FAM120A: variants seen among roughly 807,000 people sequenced by gnomAD.
FAM120A encodes constitutive coactivator of PPAR-gamma-like protein 1.
In FAM120A, 15 loss-of-function variants were observed where a neutral mutation model predicts 109.7. The observed-to-expected ratio is 0.14, with a 90% CI of 0.09 to 0.21. The LOEUF (loss-of-function observed/expected upper bound fraction) is 0.21. Among genes scored for constraint, FAM120A ranks in the 10% least tolerant of loss-of-function variants. FAM120A has a pLI of 1.00. For synonymous variants in FAM120A, 493 were observed against 572.8 expected (o/e 0.86, Z 1.99); for missense variants, 899 against 1,439.3 (o/e 0.62, Z 6.07).
intron 17 of FAM120A, among the ~76,000 whole-genome samples, chr9:93,563,793 T>C (rs1862549134): frequency 6.6e-6 from 1 of 152,234 alleles, no homozygotes; most frequent in African/African-American, 2.4e-5. Flanking sequence ...TAAGGTTCCC[T>C]AGCAATGACT....
chr9:93,564,614 G>A lies in FAM120A; in HGVS notation c.*74G>A, dbSNP rs1862579039. ...GAATATCTGGAGAGAAAGAGAGCCT[G>A]CAGTTATGTACATTTTGTCCTTTCC... On this transcript the variant is annotated 3_prime_UTR_variant, in exon 18 of 18. Coordinates refer to ENST00000277165, the MANE Select transcript of FAM120A (RefSeq NM_014612.5). 8.7e-6 allele frequency: 11 copies of A among 1,270,184 alleles called. No homozygotes were observed. The highest frequency in any genetic ancestry group is 1.2e-5 in the Non-Finnish European group (11 of 915,844). The allele number at this position is 1,270,184 out of a possible 1,614,324, so 78.7% of individuals were successfully genotyped here.
chr9:93,554,155 A>ACACACACACACT (rs1362939859), intron 12 of FAM120A, among the ~76,000 whole-genome samples: 1 of 149,992 alleles, frequency 6.7e-6, no homozygotes, highest in Non-Finnish European at 1.5e-5. Flanking sequence ...ACACACACAC[A>ACACACACACACT]CACACACACA....
intron 7 of FAM120A, among the ~76,000 whole-genome samples, chr9:93,525,736 TG>T (rs35104480): frequency 0.28 from 42,388 of 152,078 alleles, 6,975 homozygotes; most frequent in East Asian, 0.42. Context: ...CACTACACTC[TG>T]GGGATGCCTG....
chr9:93,536,899 T>C (rs1340889520), intron 10 of FAM120A, among the ~76,000 whole-genome samples: 2 of 152,258 alleles, frequency 1.3e-5, no homozygotes, highest in Non-Finnish European at 2.9e-5. Context: ...GAATATTTGC[T>C]TATCATGGCA....
chr9:93,556,646 G>A (rs1862291295), intron 13 of FAM120A, 55 bp downstream of exon 13: 1 of 1,499,366 alleles, frequency 6.7e-7, no homozygotes, highest in South Asian at 1.1e-5. Context: ...AAGCTCACTG[G>A]TTAAATCTGT....
chr9:93,529,258 C>A, intron 8 of FAM120A, 95 bp from the exon 9 acceptor site: 1 of 1,114,906 alleles, frequency 9.0e-7, no homozygotes, highest in Non-Finnish European at 1.3e-6. Context: ...TTTGTCCCCT[C>A]CGTGTCTGTC....
chr9:93,564,575 G>A lies in FAM120A; in HGVS notation c.*35G>A, dbSNP rs1295847967. On this transcript the variant is annotated 3_prime_UTR_variant, in exon 18 of 18. Coordinates refer to ENST00000277165, the MANE Select transcript of FAM120A (RefSeq NM_014612.5). ...TTATAGAGGGTGAAGGATGCTGGAA[G>A]GGTAAGGATTTAGGAATATCTGGAG... is the stretch of plus-strand genomic sequence containing the variant. The A allele has an allele frequency of 2.0e-6, 3 of 1,535,916 alleles. No homozygotes were observed. The highest frequency in any genetic ancestry group is 1.8e-6 in the Non-Finnish European group (2 of 1,126,308).
intron 10 of FAM120A, among the ~76,000 whole-genome samples, chr9:93,538,540 C>A (rs1257029940): frequency 6.6e-6 from 1 of 152,184 alleles, no homozygotes; most frequent in African/African-American, 2.4e-5. Context: ...GAAGTCTAGT[C>A]GGCCACCATC....
intron 7 of FAM120A, chr9:93,523,309 T>A: frequency 7.8e-7 from 1 of 1,289,248 alleles, no homozygotes; most frequent in Non-Finnish European, 1.0e-6. Flanking sequence ...CAAAAAAACT[T>A]TGTGTTTCAC....
In FAM120A at chr9:93,500,119, G is replaced by C. The variant is rs904490787; in HGVS notation, c.1030+1233G>C. 8.5e-5 allele frequency among the ~76,000 whole-genome samples: 13 copies of C among 152,252 alleles called. No individual in the cohort carries two copies. The highest frequency in any genetic ancestry group is 1.8e-4 in the Non-Finnish European group (12 of 68,046). ...CAGCCTCCCAGTGGGGCTCTTTGCT[G>C]CTCTCTTGCTCCCCTGCAATCCATT... On this transcript the variant is annotated intron_variant, in intron 5 of 17. Coordinates refer to ENST00000277165, the MANE Select transcript of FAM120A (RefSeq NM_014612.5). This position sits in a 1 kb window ranked among gnomAD's most constrained non-coding sequence, Gnocchi z 4.6.
chr9:93,526,925 GT>G (rs1484035316), intron 7 of FAM120A, among the ~76,000 whole-genome samples: 13 of 152,170 alleles, frequency 8.5e-5, no homozygotes, highest in African/African-American at 2.4e-4. Context: ...GAACTGCCTG[GT>G]GACTCCTCTA....
In FAM120A at chr9:93,498,954, A is replaced by G; in HGVS notation, c.1030+68A>G. 1 of 999,856 alleles carries G rather than the reference A, an allele frequency of 1.0e-6. No homozygotes were observed. The highest frequency in any genetic ancestry group is 1.6e-6 in the Non-Finnish European group (1 of 631,092). 61.9% of individuals were successfully genotyped at this position (999,856 alleles called of 1,614,324 possible). On this transcript the variant is annotated intron_variant, in intron 5 of 17. Coordinates refer to ENST00000277165, the MANE Select transcript of FAM120A (RefSeq NM_014612.5). The surrounding 1 kb of genome is among the most constrained non-coding windows in gnomAD (Gnocchi z 4.4). Reference sequence around the variant, plus strand: ...ATCCAAGTAGGTTTAAATATTCACCATATAATCTTGTAGGTTTATGTTTTT... The same window carrying G: ...ATCCAAGTAGGTTTAAATATTCACCGTATAATCTTGTAGGTTTATGTTTTT...
At chr9:93,548,028 G>C (rs939256884) in intron 11 of FAM120A, among the ~76,000 whole-genome samples, 1 of 152,174 alleles carries the variant, frequency 6.6e-6, no homozygotes, top group African/African-American at 2.4e-5. Context: ...TGAATTCTGA[G>C]AGTCTTAGCT....
rs144143916 is a variant in FAM120A at position 93,496,192 on chromosome 9, C to T, written c.805-1279C>T. ...TCTTAAACCCCCTCAAAGCCATTCA[C>T]GAGGGTTGGAATCAACCAAGTCTTC... On this transcript the variant is annotated intron_variant, in intron 3 of 17. Transcript: ENST00000277165. 4.6e-5 allele frequency among the ~76,000 whole-genome samples: 7 copies of T among 152,272 alleles called. No individual in the cohort carries two copies. The East Asian group carries it at 9.6e-4, about 21-fold the overall frequency.
intron 9 of FAM120A, chr9:93,531,036 A>G (rs1861310019): frequency 6.6e-6 from 1 of 152,256 alleles, no homozygotes; most frequent in Non-Finnish European, 1.5e-5. Flanking sequence ...TTCACATTTT[A>G]AAATGCTACT....
At chr9:93,544,163 G>A (rs540033555) in intron 11 of FAM120A, among the ~76,000 whole-genome samples, 5 of 152,196 alleles carry the variant, frequency 3.3e-5, no homozygotes, top group South Asian at 2.1e-4. Flanking sequence ...TTATCCTTAC[G>A]CACATTGTCC....
At chr9:93,557,738 T>A in intron 13 of FAM120A, 89 bp from the exon 14 acceptor site, 1 of 1,293,482 alleles carries the variant, frequency 7.7e-7, no homozygotes, top group South Asian at 1.5e-5. Context: ...AACTGTATAG[T>A]TGATAGATCT....
rs554597341 is a variant in FAM120A at position 93,497,683 on chromosome 9, G to A, written c.933+84G>A. ...TGGTGTGGCCAGGTTTGGAAGAAGG[G>A]GACTTGAGGGTGCAAGCTGACTGGA... is the stretch of plus-strand genomic sequence containing the variant. On this transcript the variant is annotated intron_variant, in intron 4 of 17. Coordinates refer to ENST00000277165, the MANE Select transcript of FAM120A (RefSeq NM_014612.5). 1.9e-5 allele frequency: 28 copies of A among 1,464,590 alleles called. No individual in the cohort carries two copies. In the Admixed American group the frequency reaches 1.9e-4, roughly 10 times the overall value. The allele number at this position is 1,464,590 out of a possible 1,614,324, so 90.7% of individuals were successfully genotyped here.
At chr9:93,501,263 G>A (rs1374221161) in intron 5 of FAM120A, among the ~76,000 whole-genome samples, 1 of 152,184 alleles carries the variant, frequency 6.6e-6, no homozygotes, top group Non-Finnish European at 1.5e-5. Flanking sequence ...TAAGTATAGA[G>A]AAAGGCAGCA....
Sources: gnomAD v4.1 joint callset for allele counts (sites outside exome capture counted in the v4.1 genomes callset) on GRCh38, gnomAD v4.1.1 for gene constraint, Gnocchi (gnomAD v3.1) non-coding constraint, MANE v1.5 for transcripts, NCBI Gene and HGNC (gene_info 2026-07-23, HGNC 2026-07-21) for gene names.